The following KPNA7 variants were observed in gnomAD, a reference collection of about 807,000 sequenced individuals.
The protein encoded by KPNA7 is importin subunit alpha-8.
KPNA7 carries 54 observed loss-of-function variants against 53.7 expected under a neutral mutation model. The ratio of observed to expected loss-of-function variants is 1.01; its 90% CI spans 0.81 to 1.26. The LOEUF is 1.26. Ranked by LOEUF, KPNA7 falls within the 50% of genes most tolerant of loss-of-function variation. The pLI is 0.00. For missense variants in KPNA7, 640 were observed against 644.5 expected (o/e 0.99, Z 0.07); for synonymous variants, 276 against 259.3 (o/e 1.06, Z -0.62).
rs766167657 is a variant in KPNA7, at chr7:99,193,004, GAA to G, written c.636+13_636+14del. ...TAATTTAAAAAAAAAAAAAGAGAAA[GAA>G]AAAGACACTTACCGGCAGGGTGGGT... is the stretch of plus-strand genomic sequence containing the variant. On this transcript the variant is annotated intron_variant, in intron 6 of 10. Coordinates refer to ENST00000327442, the MANE Select transcript of KPNA7 (RefSeq NM_001145715.3). 1.5e-5 allele frequency: 22 copies of G among 1,466,886 alleles called. 1 individual carries two copies. Among genetic ancestry groups the G allele is most frequent in the Middle Eastern group, 1.8e-4 (1 of 5,610 alleles). The allele number at this position is 1,466,886 out of a possible 1,614,324, so 90.9% of individuals were successfully genotyped here.
Position 99,207,412 on chromosome 7 carries a change from T to C in KPNA7, c.55A>G (p.Lys19Glu). Residue 19 changes from lysine (K) to glutamate (E), a missense_variant, in exon 2 of 11, where the codon AAA (lysine) becomes GAA (glutamate). By Grantham distance (56) the Lys-to-Glu change is moderately conservative. Transcript: ENST00000327442. ...TGCTTCATACTCACAGACACATCTT[T>C]GCCTCGGTACTTAAATTTTCTCCGC... ...ERRRKFKYRGKDVSLRRQQRM... is the reference protein window; with the variant it reads ...ERRRKFKYRGEDVSLRRQQRM... 6.4e-7 allele frequency: 1 copy of C among 1,551,432 alleles called. No homozygotes were observed. The highest frequency in any genetic ancestry group is 1.2e-5 in the South Asian group (1 of 84,046).
chr7:99,152,607 C>A, the KPNA7 span, among the ~76,000 whole-genome samples: 4 of 152,118 alleles, frequency 2.6e-5, no homozygotes, highest in African/African-American at 9.7e-5. Flanking sequence ...AATTCAGGAA[C>A]CTTACCAATT....
intron 8 of KPNA7, among the ~76,000 whole-genome samples, chr7:99,183,437 T>G (rs1219585644): frequency 6.6e-6 from 1 of 152,168 alleles, no homozygotes; most frequent in Non-Finnish European, 1.5e-5. Context: ...TCCAAGCAAG[T>G]TATAGTTCAA....
At chr7:99,176,326 AAAG>A (rs1798906549) in intron 10 of KPNA7, among the ~76,000 whole-genome samples, 1 of 138,882 alleles carries the variant, frequency 7.2e-6, no homozygotes, top group African/African-American at 2.6e-5. Context: ...AGAAAGAAAG[AAAG>A]AAAAGAAAAA....
chr7:99,170,470 G>GA (rs5886096), downstream of KPNA7, among the ~76,000 whole-genome samples: 150,598 of 151,070 alleles, frequency 1, 75,066 homozygotes, highest in South Asian at 1. Context: ...GTTTCAGTGG[G>GA]AAAAAAAAAT....
chr7:99,168,642 C>T (rs1798717452), downstream of KPNA7, among the ~76,000 whole-genome samples: 1 of 152,144 alleles, frequency 6.6e-6, no homozygotes, highest in Non-Finnish European at 1.5e-5. Context: ...TCCCAAGCAG[C>T]TAGGGACTGC....
intron 3 of KPNA7, among the ~76,000 whole-genome samples, chr7:99,199,327 T>TCA (rs34750470): frequency 0.079 from 12,036 of 152,056 alleles, 512 homozygotes; most frequent in South Asian, 0.15. Flanking sequence ...GCTGGAAGAC[T>TCA]CACTTCCCAA....
At chr7:99,181,278 T>A (rs1554462676) in intron 9 of KPNA7, among the ~76,000 whole-genome samples, 1 of 152,074 alleles carries the variant, frequency 6.6e-6, no homozygotes, top group Non-Finnish European at 1.5e-5. Context: ...CTCCCCACCC[T>A]GAACTATTAG....
At chr7:99,186,111 T>TA (rs1479503520) in intron 7 of KPNA7, among the ~76,000 whole-genome samples, 2 of 152,194 alleles carry the variant, frequency 1.3e-5, no homozygotes, top group Non-Finnish European at 2.9e-5. Flanking sequence ...CTTTATCGTA[T>TA]AATGACTGAA....
the KPNA7 span, among the ~76,000 whole-genome samples, chr7:99,150,425 T>A: frequency 6.8e-6 from 1 of 147,738 alleles, no homozygotes; most frequent in African/African-American, 2.5e-5. Context: ...ATTCTTCTCT[T>A]TTTTTTGAGA....
intron 4 of KPNA7, 127 bp downstream of exon 4, chr7:99,195,957 C>G (rs1249537244): frequency 1.2e-5 from 9 of 722,520 alleles, no homozygotes; most frequent in Non-Finnish European, 1.9e-5. Flanking sequence ...GATGGGCTAG[C>G]CTTTTCCTGT....
Position 99,187,797 on chromosome 7 carries a change from TTTAAAAAAAAAAAAAAAAAAA to T in KPNA7, c.900+482_900+502del, listed in dbSNP as rs1443620261. Among the ~76,000 whole-genome samples, 58 of 79,974 alleles carry T rather than the reference TTTAAAAAAAAAAAAAAAAAAA, an allele frequency of 7.3e-4. 1 individual carries two copies. Among genetic ancestry groups the T allele is most frequent in the Non-Finnish European group, 1.5e-3 (51 of 33,976 alleles). The allele number at this position is 79,974 out of a possible 152,430, so 52.5% of individuals were successfully genotyped here. Reference sequence around the variant, plus strand: ...TGAGCCACCGTGCCCGGCCTTTTTTTTTAAAAAAAAAAAAAAAAAAAAAAAAAAAAAAAAAAAACCCACTAG... The same window carrying T: ...TGAGCCACCGTGCCCGGCCTTTTTTTAAAAAAAAAAAAAAAAACCCACTAG... On this transcript the variant is annotated intron_variant, in intron 7 of 10. Coordinates refer to ENST00000327442, the MANE Select transcript of KPNA7 (RefSeq NM_001145715.3).
intron 9 of KPNA7, among the ~76,000 whole-genome samples, chr7:99,178,807 G>A (rs1222341825): frequency 1.0e-4 from 9 of 88,848 alleles, no homozygotes; most frequent in Non-Finnish European, 1.6e-4. Flanking sequence ...AAAAAAAAAA[G>A]AGTCTCGCTC....
chr7:99,202,080 CTAGAGA>C (rs1790567191), intron 3 of KPNA7, among the ~76,000 whole-genome samples: 1 of 152,030 alleles, frequency 6.6e-6, no homozygotes, highest in African/African-American at 2.4e-5. Context: ...ATGAAGCTAA[CTAGAGA>C]TATAGTTTGG....
chr7:99,182,415 C>T (rs1204038204), intron 8 of KPNA7, among the ~76,000 whole-genome samples: 1 of 152,156 alleles, frequency 6.6e-6, no homozygotes, highest in African/African-American at 2.4e-5. Context: ...CCAGGATGTT[C>T]TCGATCTCTT....
rs1262492864 is a variant in KPNA7, at chr7:99,173,803, G to A, written c.1465-9C>T. On this transcript the variant is annotated splice_polypyrimidine_tract_variant and intron_variant, in intron 10 of 10. Transcript: ENST00000327442. ...TGGCTCTCATCTTCTTCCTTCAGGA[G>A]AGAATAGACACTGTTATACCTCCAG... 1 of 1,483,678 alleles carries A rather than the reference G, an allele frequency of 6.7e-7. No homozygotes were observed. The allele number at this position is 1,483,678 out of a possible 1,614,324, so 91.9% of individuals were successfully genotyped here. A position where few individuals can be genotyped will look rare whatever the true frequency, so the allele number is the denominator to read the frequency against.
chr7:99,147,559 G>C, the KPNA7 span, among the ~76,000 whole-genome samples: 10 of 152,340 alleles, frequency 6.6e-5, no homozygotes, highest in African/African-American at 2.2e-4. Flanking sequence ...GGGAGACCAA[G>C]GCGGGTGGAT....
chr7:99,199,323 A>G (rs1282617694), intron 3 of KPNA7, among the ~76,000 whole-genome samples: 1 of 150,606 alleles, frequency 6.6e-6, no homozygotes, highest in Non-Finnish European at 1.5e-5. Flanking sequence ...CAAAGCTGGA[A>G]GACTCACTTC....
chr7:99,215,369 C>CAAAAAAAAAAAA (rs533680824), intron 1 of KPNA7, among the ~76,000 whole-genome samples: 2 of 52,056 alleles, frequency 3.8e-5, no homozygotes, highest in African/African-American at 1.5e-4. Context: ...GAGACTGTCT[C>CAAAAAAAAAAAA]AAAAAAAAAA....
Sources: allele counts gnomAD v4.1 joint callset (sites outside exome capture counted in the v4.1 genomes callset), GRCh38; gene constraint gnomAD v4.1.1; transcripts MANE v1.5; gene names NCBI Gene and HGNC (gene_info 2026-07-23, HGNC 2026-07-21).